Variants in CTNNA2 observed in about 807,000 individuals in gnomAD.
CTNNA2 encodes the protein catenin alpha-2.
Under a neutral mutation model 101.0 loss-of-function variants are expected in CTNNA2, and 42 were observed. The observed-to-expected ratio is 0.42, with a 90% CI of 0.32 to 0.54. The LOEUF is 0.54. Among genes scored for constraint, CTNNA2 ranks in the 20% least tolerant of loss-of-function variants. CTNNA2 has a pLI of 0.14. For synonymous variants in CTNNA2, 450 were observed against 456.4 expected, an observed-to-expected ratio of 0.99 and a Z score of 0.18; for missense variants, 871 against 1,223.1, an observed-to-expected ratio of 0.71 and a Z score of 4.29.
At chr2:80,574,389 T>C in intron 13 of CTNNA2, 75 bp downstream of exon 13, 2 of 1,432,524 alleles carry the variant, frequency 1.4e-6, no homozygotes, top group Non-Finnish European at 1.9e-6. Context: ...GTCTTATTTA[T>C]TATTTATTTT....
intron 7 of CTNNA2, among the ~76,000 whole-genome samples, chr2:80,055,286 C>T (rs1697146496): frequency 6.6e-6 from 1 of 152,100 alleles, no homozygotes; most frequent in African/African-American, 2.4e-5. Context: ...AACTTTGCCT[C>T]CCTAAGTACT....
chr2:79,537,404 A>G (rs1293058235), intron 1 of CTNNA2, among the ~76,000 whole-genome samples: 2 of 152,078 alleles, frequency 1.3e-5, no homozygotes, highest in Non-Finnish European at 2.9e-5. Context: ...GTGCTCTTGC[A>G]TCACATTTAG....
chr2:79,328,919 AT>A (rs1185373791), intron 3 of CTNNA2, among the ~76,000 whole-genome samples: 1 of 152,028 alleles, frequency 6.6e-6, no homozygotes, highest in African/African-American at 2.4e-5. Context: ...CTTGCTGATA[AT>A]TCCTTGGCTT....
At chr2:79,424,706 G>A (rs1353238044) in intron 4 of CTNNA2, among the ~76,000 whole-genome samples, 4 of 152,042 alleles carry the variant, frequency 2.6e-5, no homozygotes, top group South Asian at 4.2e-4. Flanking sequence ...CTCTAGGGAC[G>A]ATATCTAACT....
intron 7 of CTNNA2, among the ~76,000 whole-genome samples, chr2:80,253,784 G>A (rs1671940431): frequency 1.3e-5 from 2 of 152,092 alleles, no homozygotes; most frequent in South Asian, 2.1e-4. Flanking sequence ...AAGAATTATA[G>A]GATTCTAGTC....
intron 4 of CTNNA2, among the ~76,000 whole-genome samples, chr2:79,480,081 C>T (rs1330052026): frequency 6.6e-6 from 1 of 151,972 alleles, no homozygotes; most frequent in Non-Finnish European, 1.5e-5. Context: ...AAAAGGGGAG[C>T]CAGCATATGC....
intron 1 of CTNNA2, among the ~76,000 whole-genome samples, chr2:79,590,768 A>G (rs1270365464): frequency 6.6e-6 from 1 of 152,168 alleles, no homozygotes; most frequent in East Asian, 1.9e-4. Flanking sequence ...CAATACCAGT[A>G]GTTTGCTTTT....
chr2:79,600,751 G>A (rs1677500467), intron 1 of CTNNA2, among the ~76,000 whole-genome samples: 1 of 152,128 alleles, frequency 6.6e-6, no homozygotes, highest in Non-Finnish European at 1.5e-5. Context: ...GGTTATGGAG[G>A]CTGTTAAGGC....
chr2:80,256,584 A>G (rs1672172030), intron 7 of CTNNA2, among the ~76,000 whole-genome samples: 1 of 152,098 alleles, frequency 6.6e-6, no homozygotes, highest in Admixed American at 6.6e-5. Context: ...TCATCAATTC[A>G]AGTTTCCTCC....
At chr2:79,729,744 G>T (rs1478810663) in intron 2 of CTNNA2, among the ~76,000 whole-genome samples, 1 of 152,002 alleles carries the variant, frequency 6.6e-6, no homozygotes, top group Non-Finnish European at 1.5e-5. Flanking sequence ...AATGCAGCTT[G>T]ACAATATGGC....
chr2:80,136,631 A>T (rs1702713937), intron 7 of CTNNA2, among the ~76,000 whole-genome samples: 1 of 151,958 alleles, frequency 6.6e-6, no homozygotes, highest in African/African-American at 2.4e-5. Flanking sequence ...CATCTTTTGT[A>T]TGTTATTTCC....
chr2:80,631,949 C>T (rs2149832748), intron 18 of CTNNA2, among the ~76,000 whole-genome samples: 1 of 151,864 alleles, frequency 6.6e-6, no homozygotes, highest in East Asian at 1.9e-4. Context: ...TTGGGAGGGT[C>T]AATATGTTTT....
chr2:79,733,754 C>T (rs556232280), intron 2 of CTNNA2, among the ~76,000 whole-genome samples: 16 of 152,164 alleles, frequency 1.1e-4, no homozygotes, highest in Non-Finnish European at 1.5e-4. Flanking sequence ...ATAGAGTCCT[C>T]ATATTTTTCC....
chr2:80,270,356 C>T (rs915069580), intron 7 of CTNNA2, among the ~76,000 whole-genome samples: 2 of 152,076 alleles, frequency 1.3e-5, no homozygotes, highest in African/African-American at 4.8e-5. Flanking sequence ...AAAAGACAAG[C>T]CTTAGAGGTT....
At chr2:79,234,821 G>T (rs898258739) in intron 2 of CTNNA2, among the ~76,000 whole-genome samples, 1 of 152,082 alleles carries the variant, frequency 6.6e-6, no homozygotes, top group African/African-American at 2.4e-5. Context: ...GATCTATTCT[G>T]CTATTGATAC....
chr2:80,603,067 T>C (rs931957071), intron 15 of CTNNA2, among the ~76,000 whole-genome samples: 7 of 152,092 alleles, frequency 4.6e-5, no homozygotes, highest in Non-Finnish European at 8.8e-5. Flanking sequence ...CCCTTCTGAA[T>C]AGTTTTTCTG....
chr2:79,500,022 G>A (rs1343640675), intron 4 of CTNNA2, among the ~76,000 whole-genome samples: 2 of 152,174 alleles, frequency 1.3e-5, no homozygotes, highest in East Asian at 3.9e-4. Flanking sequence ...CTGATTGGAT[G>A]AGGACCACCC....
At chr2:80,427,466 T>C (rs1681093214) in intron 9 of CTNNA2, among the ~76,000 whole-genome samples, 1 of 152,214 alleles carries the variant, frequency 6.6e-6, no homozygotes. Context: ...CTGACAAGCA[T>C]GCTTTGGGTT....
intron 3 of CTNNA2, among the ~76,000 whole-genome samples, chr2:79,363,660 T>G (rs1225414779): frequency 6.6e-6 from 1 of 152,224 alleles, no homozygotes; most frequent in Non-Finnish European, 1.5e-5. Flanking sequence ...GACACTTGGT[T>G]AGGGACCATC....
Sources: gnomAD v4.1 joint callset for allele counts (sites outside exome capture counted in the v4.1 genomes callset) on GRCh38, gnomAD v4.1.1 for gene constraint, MANE v1.5 for transcripts, NCBI Gene and HGNC (gene_info 2026-07-23, HGNC 2026-07-21) for gene names.